The following FUT8 variants were observed in gnomAD, a reference collection of about 807,000 sequenced individuals.
The protein encoded by FUT8 is fucosyltransferase 8.
FUT8 carries 29 observed loss-of-function variants against 71.3 expected under a neutral mutation model. That is an observed-to-expected ratio of 0.41 (90% CI 0.30 to 0.55). The LOEUF (loss-of-function observed/expected upper bound fraction) is 0.55. Ranked by LOEUF, FUT8 falls within the 20% of genes least tolerant of loss-of-function variation. The pLI is 0.34. For synonymous variants in FUT8, 254 were observed against 239.3 expected, an observed-to-expected ratio of 1.06 and a Z score of -0.57; for missense variants, 544 against 702.1, an observed-to-expected ratio of 0.77 and a Z score of 2.55.
chr14:65,425,199 C>T (rs1223795875), intron 1 of FUT8, among the ~76,000 whole-genome samples: 1 of 150,006 alleles, frequency 6.7e-6, no homozygotes, highest in Non-Finnish European at 1.5e-5. Flanking sequence ...GAGTTTCACT[C>T]TTGTTGCCCA....
In FUT8 at chr14:65,660,952, T is replaced by C. The variant is rs115097806; in HGVS notation, c.598-8291T>C. 0.018 allele frequency among the ~76,000 whole-genome samples: 2,690 copies of C among 152,318 alleles called. 80 individuals are homozygous for C. Among genetic ancestry groups the C allele is most frequent in the African/African-American group, 0.061 (2,542 of 41,558 alleles). ...CACTACACTATTAATGAATTCGTTC[T>C]TCATTACCAGCACAAAGCTAGATAT... On this transcript the variant is annotated intron_variant, in intron 6 of 10. Transcript: ENST00000673929. The surrounding 1 kb of genome is among the most constrained non-coding windows in gnomAD (Gnocchi z 4.1).
intron 3 of FUT8, among the ~76,000 whole-genome samples, chr14:65,563,040 C>T (rs1885998404): frequency 6.6e-6 from 1 of 151,924 alleles, no homozygotes; most frequent in African/African-American, 2.4e-5. Context: ...AAAGACAATG[C>T]TACGTGTTAA....
rs1407983520 is a variant in FUT8, at chr14:65,603,832, C to T, written c.204-12146C>T. 3.3e-5 allele frequency among the ~76,000 whole-genome samples: 5 copies of T among 151,806 alleles called. No individual in the cohort carries two copies. Among genetic ancestry groups the T allele is most frequent in the East Asian group, 1.9e-4 (1 of 5,178 alleles). ...AAGGTACAGAATTGCAGAATGGATT[C>T]GAATTCACAAACCAAGCATCTGCTG... On this transcript the variant is annotated intron_variant, in intron 3 of 10. Coordinates refer to ENST00000673929, the MANE Select transcript of FUT8 (RefSeq NM_001371533.1). This position sits in a 1 kb window ranked among gnomAD's most constrained non-coding sequence, Gnocchi z 4.5.
intron 6 of FUT8, among the ~76,000 whole-genome samples, chr14:65,663,048 A>G (rs1566882215): frequency 6.6e-6 from 1 of 152,142 alleles, no homozygotes; most frequent in Non-Finnish European, 1.5e-5. Context: ...TATTATGTTT[A>G]TAGTTTAGAG....
At chr14:65,581,608 A>G (rs1205957558) in intron 3 of FUT8, among the ~76,000 whole-genome samples, 2 of 152,166 alleles carry the variant, frequency 1.3e-5, no homozygotes, top group African/African-American at 4.8e-5. Flanking sequence ...GAATATTGCT[A>G]TGCATGTTTG....
intron 1 of FUT8, among the ~76,000 whole-genome samples, chr14:65,440,071 G>A (rs2065630802): frequency 6.7e-6 from 1 of 149,292 alleles, no homozygotes; most frequent in Non-Finnish European, 1.5e-5. Flanking sequence ...GAAGAACTTG[G>A]AGGACATTAT....
At chr14:65,428,794 T>C (rs950258834) in intron 1 of FUT8, among the ~76,000 whole-genome samples, 3 of 152,244 alleles carry the variant, frequency 2.0e-5, no homozygotes, top group Admixed American at 6.5e-5. Context: ...AAACTTGTTA[T>C]GAAGAGAAGT....
intron 7 of FUT8, among the ~76,000 whole-genome samples, chr14:65,692,104 A>G (rs1443984038): frequency 6.6e-6 from 1 of 151,896 alleles, no homozygotes; most frequent in Non-Finnish European, 1.5e-5. Context: ...CCCGTTCTCA[A>G]TGAGCTGTTG....
intron 2 of FUT8, among the ~76,000 whole-genome samples, chr14:65,508,356 C>T (rs985174765): frequency 3.3e-5 from 5 of 151,822 alleles, no homozygotes; most frequent in Non-Finnish European, 5.9e-5. Context: ...AGGCGTGAGC[C>T]ACTGTGCCCG....
intron 2 of FUT8, among the ~76,000 whole-genome samples, chr14:65,515,441 G>A (rs547180566): frequency 7.3e-5 from 11 of 151,648 alleles, no homozygotes; most frequent in Admixed American, 5.9e-4. Flanking sequence ...TGAGACACTT[G>A]AACATACCTT....
Position 65,489,643 on chromosome 14 carries a change from A to G in FUT8, c.-228+33925A>G, listed in dbSNP as rs923770931. On this transcript the variant is annotated intron_variant, in intron 2 of 10. Coordinates refer to ENST00000673929, the MANE Select transcript of FUT8 (RefSeq NM_001371533.1). The surrounding 1 kb of genome is among the most constrained non-coding windows in gnomAD (Gnocchi z 4.0). ...AAATATAACATAAAAATGAGTCTTAAAATATGTATAGCTTCATTTGTGTTG... is the reference window on the plus strand; with the variant it reads ...AAATATAACATAAAAATGAGTCTTAGAATATGTATAGCTTCATTTGTGTTG... Among the ~76,000 whole-genome samples the G allele has an allele frequency of 6.6e-6, 1 of 152,154 alleles. No individual in the cohort carries two copies. The highest frequency in any genetic ancestry group is 2.4e-5 in the African/African-American group (1 of 41,456).
At chr14:65,363,947 A>G in the FUT8 span, among the ~76,000 whole-genome samples, 1 of 152,196 alleles carries the variant, frequency 6.6e-6, no homozygotes, top group Non-Finnish European at 1.5e-5. Flanking sequence ...AAGGGTAGAG[A>G]AAAGCTATTT....
chr14:65,515,456 T>A (rs1882646775), intron 2 of FUT8, among the ~76,000 whole-genome samples: 1 of 151,962 alleles, frequency 6.6e-6, no homozygotes, highest in African/African-American at 2.4e-5. Context: ...TACCTTTTTC[T>A]TTGCTTTTTT....
chr14:65,589,799 C>G (rs1887590585), intron 3 of FUT8, among the ~76,000 whole-genome samples: 1 of 152,140 alleles, frequency 6.6e-6, no homozygotes, highest in East Asian at 1.9e-4. Flanking sequence ...GTTTAAAGAC[C>G]TCTCTTCTCA....
intron 1 of FUT8, among the ~76,000 whole-genome samples, chr14:65,450,284 CTT>C (rs1391782624): frequency 6.6e-6 from 1 of 152,104 alleles, no homozygotes; most frequent in African/African-American, 2.4e-5. Flanking sequence ...TTCCTAGCCT[CTT>C]TATTTTATAC....
At chr14:65,516,876 T>C (rs1882743183) in intron 2 of FUT8, among the ~76,000 whole-genome samples, 2 of 151,618 alleles carry the variant, frequency 1.3e-5, no homozygotes, top group African/African-American at 4.9e-5. Flanking sequence ...AATTCCCCGT[T>C]ACTTATTATC....
intron 6 of FUT8, among the ~76,000 whole-genome samples, chr14:65,668,259 A>G (rs1172942900): frequency 3.3e-5 from 5 of 152,196 alleles, no homozygotes; most frequent in Admixed American, 1.3e-4. Flanking sequence ...AGCAAAAGCA[A>G]TTATCAACAG....
chr14:65,570,017 G>C (rs1222161727), intron 3 of FUT8, among the ~76,000 whole-genome samples: 1 of 152,008 alleles, frequency 6.6e-6, no homozygotes, highest in Non-Finnish European at 1.5e-5. Context: ...GAGGTTTTGA[G>C]CTTTGCTCTT....
intron 1 of FUT8, among the ~76,000 whole-genome samples, chr14:65,427,359 G>T (rs902446118): frequency 1.3e-5 from 2 of 152,074 alleles, no homozygotes; most frequent in Non-Finnish European, 2.9e-5. Flanking sequence ...ATATTTTGAG[G>T]AACCTCCACA....
Sources: gnomAD v4.1 joint callset for allele counts (sites outside exome capture counted in the v4.1 genomes callset) on GRCh38, gnomAD v4.1.1 for gene constraint, Gnocchi (gnomAD v3.1) non-coding constraint, MANE v1.5 for transcripts, NCBI Gene and HGNC (gene_info 2026-07-23, HGNC 2026-07-21) for gene names.